The following OIT3 variants were observed in gnomAD, a reference collection of about 807,000 sequenced individuals.
OIT3 encodes oncoprotein-induced transcript 3 protein.
Under a neutral mutation model 52.2 loss-of-function variants are expected in OIT3, and 41 were observed. The observed-to-expected ratio is 0.79, with a 90% CI of 0.61 to 1.02. The LOEUF (loss-of-function observed/expected upper bound fraction) is 1.02, where lower values mean the gene tolerates loss of function less well. Among genes scored for constraint, OIT3 ranks in the 50% least tolerant of loss-of-function variants. The pLI, the probability that OIT3 is intolerant of heterozygous loss-of-function variation, is 0.00. For missense variants in OIT3, 634 were observed against 715.5 expected (o/e 0.89, Z 1.30); for synonymous variants, 244 against 276.9 (o/e 0.88, Z 1.18).
intron 4 of OIT3, among the ~76,000 whole-genome samples, chr10:72,907,456 A>G (rs868244144): frequency 6.6e-6 from 1 of 152,190 alleles, no homozygotes; most frequent in Admixed American, 6.5e-5. Flanking sequence ...TGGACTGGCC[A>G]GGTAATAGAG....
At chr10:72,931,501 AC>A (rs1846216092) in intron 8 of OIT3, among the ~76,000 whole-genome samples, 1 of 152,122 alleles carries the variant, frequency 6.6e-6, no homozygotes, top group Non-Finnish European at 1.5e-5. Flanking sequence ...AACAAACAAA[AC>A]AAATTTTTAA....
Position 72,907,389 on chromosome 10 carries a change from T to C in OIT3, c.667+671T>C, listed in dbSNP as rs114877531. ...GTAGGTCTGAGATCAGGTCAAGATA[T>C]TGCATTTTTAAACAAGTTCTAGGAG... On this transcript the variant is annotated intron_variant, in intron 4 of 8. Coordinates refer to ENST00000334011, the MANE Select transcript of OIT3 (RefSeq NM_152635.3). 5.7e-3 allele frequency among the ~76,000 whole-genome samples: 871 copies of C among 152,322 alleles called. 6 individuals carry two copies. Among genetic ancestry groups the C allele is most frequent in the African/African-American group, 0.02 (815 of 41,576 alleles).
At chr10:72,895,092 G>T (rs1389147437) in intron 1 of OIT3, among the ~76,000 whole-genome samples, 1 of 152,242 alleles carries the variant, frequency 6.6e-6, no homozygotes, top group Middle Eastern at 3.4e-3. Flanking sequence ...TAAATGTATG[G>T]CTAAAGGTAA....
At chr10:72,916,442 T>C (rs1196286739) in intron 6 of OIT3, among the ~76,000 whole-genome samples, 2 of 152,222 alleles carry the variant, frequency 1.3e-5, no homozygotes, top group African/African-American at 2.4e-5. Flanking sequence ...TTTCTGTTCC[T>C]GTGTTAGTTG....
chr10:72,928,206 AT>A (rs1345055031), intron 7 of OIT3, among the ~76,000 whole-genome samples: 1 of 152,250 alleles, frequency 6.6e-6, no homozygotes, highest in Non-Finnish European at 1.5e-5. Context: ...ATACAAAATA[AT>A]TTAACACAAG....
At chr10:72,916,132 C>T (rs928823808) in intron 6 of OIT3, among the ~76,000 whole-genome samples, 1 of 152,074 alleles carries the variant, frequency 6.6e-6, no homozygotes, top group African/African-American at 2.4e-5. Context: ...TTCTTACTCT[C>T]GTATACCATA....
intron 3 of OIT3, among the ~76,000 whole-genome samples, chr10:72,904,192 C>T (rs988780308): frequency 6.6e-6 from 1 of 152,114 alleles, no homozygotes; most frequent in African/African-American, 2.4e-5. Flanking sequence ...TCGATCATGA[C>T]CCTCTCACGC....
At chr10:72,912,272 CTTTTT>C (rs749814581) in intron 5 of OIT3, among the ~76,000 whole-genome samples, 4 of 125,836 alleles carry the variant, frequency 3.2e-5, no homozygotes, top group African/African-American at 9.6e-5. Context: ...TCTTTTTTTT[CTTTTT>C]TTTTTTTTTT....
chr10:72,929,072 T>G (rs931512061), intron 7 of OIT3, among the ~76,000 whole-genome samples: 1 of 151,912 alleles, frequency 6.6e-6, no homozygotes, highest in African/African-American at 2.4e-5. Context: ...CCGGGCATGG[T>G]GGCACACACC....
At chr10:72,899,691 AAGAT>A (rs1189592013) in intron 2 of OIT3, among the ~76,000 whole-genome samples, 168 of 147,642 alleles carry the variant, frequency 1.1e-3, no homozygotes, top group African/African-American at 3.8e-3. Context: ...ACCCCTTTTT[AAGAT>A]AGATAGATGA....
chr10:72,917,757 G>A (rs878951539), intron 6 of OIT3: 7 of 1,331,564 alleles, frequency 5.3e-6, no homozygotes, highest in Non-Finnish European at 7.5e-6. Flanking sequence ...ACCTTTTTCT[G>A]TACTTGCTTG....
chr10:72,908,812 A>T (rs1366847770), intron 4 of OIT3, among the ~76,000 whole-genome samples: 4 of 152,126 alleles, frequency 2.6e-5, no homozygotes, highest in Non-Finnish European at 4.4e-5. Context: ...AGTGTGAGTT[A>T]TACTTTAGGA....
chr10:72,922,158 T>C (rs1241620958), intron 6 of OIT3, among the ~76,000 whole-genome samples: 1 of 152,180 alleles, frequency 6.6e-6, no homozygotes, highest in Non-Finnish European at 1.5e-5. Flanking sequence ...AGATTTTGTG[T>C]CTCAGGGATG....
chr10:72,901,706 TGGGCCCAA>T (rs1243126232), intron 3 of OIT3, among the ~76,000 whole-genome samples: 1 of 152,140 alleles, frequency 6.6e-6, no homozygotes, highest in East Asian at 1.9e-4. Flanking sequence ...TTCGACATCC[TGGGCCCAA>T]GTAGCTTCTT....
intron 6 of OIT3, chr10:72,918,092 A>G: frequency 7.7e-7 from 1 of 1,300,520 alleles, no homozygotes; most frequent in Non-Finnish European, 1.1e-6. Context: ...GAACCTTGCT[A>G]CCACCTCCAG....
chr10:72,911,873 C>T, intron 5 of OIT3, 34 bp downstream of exon 5: 4 of 1,576,212 alleles, frequency 2.5e-6, no homozygotes, highest in Non-Finnish European at 3.4e-6. Context: ...TGTCTCTACT[C>T]TGATTACACT....
rs1032460762 is a variant in OIT3, at chr10:72,932,837, C to T, written c.*313C>T. Reference sequence around the variant, plus strand: ...TACCTCGTGTATGGTGCAATCAGACCACAAAATCAGAAGCTGGGTATAATA... The same window carrying T: ...TACCTCGTGTATGGTGCAATCAGACTACAAAATCAGAAGCTGGGTATAATA... On this transcript the variant is annotated 3_prime_UTR_variant, in exon 9 of 9. Coordinates refer to ENST00000334011, the MANE Select transcript of OIT3 (RefSeq NM_152635.3). The T allele has an allele frequency of 3.9e-5, 10 of 254,180 alleles. No individual in the cohort carries two copies. Among genetic ancestry groups the T allele is most frequent in the Non-Finnish European group, 7.4e-5 (10 of 134,820 alleles). The allele number at this position is 254,180 out of a possible 1,614,324, so 15.7% of individuals were successfully genotyped here. A position where few individuals can be genotyped will look rare whatever the true frequency, so the allele number is the denominator to read the frequency against.
intron 3 of OIT3, among the ~76,000 whole-genome samples, chr10:72,903,936 CT>C (rs1340501008): frequency 6.6e-6 from 1 of 151,992 alleles, no homozygotes; most frequent in South Asian, 2.1e-4. Flanking sequence ...TGTCTTATGC[CT>C]AATTTCTGCC....
intron 6 of OIT3, among the ~76,000 whole-genome samples, chr10:72,923,326 C>G (rs1490535055): frequency 1.3e-5 from 2 of 152,216 alleles, no homozygotes; most frequent in Admixed American, 6.5e-5. Context: ...GCAGCCTGGC[C>G]CTTCCTCTGA....
Sources: gnomAD v4.1 joint callset for allele counts (sites outside exome capture counted in the v4.1 genomes callset) on GRCh38, gnomAD v4.1.1 for gene constraint, MANE v1.5 for transcripts, NCBI Gene and HGNC (gene_info 2026-07-23, HGNC 2026-07-21) for gene names.